RNF207: variants seen among roughly 807,000 people sequenced by gnomAD.
The protein encoded by RNF207 is ring finger protein 207, also known as OTTHUMG00000001089.
In RNF207, 72 loss-of-function variants were observed where a neutral mutation model predicts 79.0. That is an observed-to-expected ratio of 0.91 (90% CI 0.75 to 1.11). The LOEUF is 1.11. Among genes scored for constraint, RNF207 ranks in the 50% least tolerant of loss-of-function variants. RNF207 has a pLI of 0.00. For missense variants in RNF207, 936 were observed against 855.8 expected, an observed-to-expected ratio of 1.09 and a Z score of -1.17; for synonymous variants, 348 against 366.2, an observed-to-expected ratio of 0.95 and a Z score of 0.57.
chr1:6,206,810 GC>G, intron 2 of RNF207, 84 bp downstream of exon 2: 2 of 1,170,332 alleles, frequency 1.7e-6, no homozygotes, highest in Non-Finnish European at 1.2e-6. Context: ...GGACCCAGGT[GC>G]CAGGAGAGTA....
chr1:6,209,480 G>A lies in RNF207; in HGVS notation c.694G>A (p.Val232Met). 2.7e-6 allele frequency: 4 copies of A among 1,492,144 alleles called. No individual in the cohort carries two copies. Among genetic ancestry groups the A allele is most frequent in the Non-Finnish European group, 3.5e-6 (4 of 1,128,728 alleles). The allele number at this position is 1,492,144 out of a possible 1,614,324, so 92.4% of individuals were successfully genotyped here. A position where few individuals can be genotyped will look rare whatever the true frequency, so the allele number is the denominator to read the frequency against. Reference protein sequence around the residue: ...IALLQAMVEEVRHSAAEEEDA... With the variant: ...IALLQAMVEEMRHSAAEEEDA... The stretch of plus-strand genomic sequence containing the variant: ...GCTGCTGCAGGCCATGGTGGAGGAG[G>A]TGCGGCACAGCGCCGCCGAGGAGGA... Residue 232 changes from valine (V) to methionine (M), a missense_variant, in exon 7 of 18, where the codon GTG becomes ATG. By Grantham distance (21) the Val-to-Met change is conservative. Coordinates refer to ENST00000377939, the MANE Select transcript of RNF207 (RefSeq NM_207396.3).
At position 6,209,497 on chromosome 1, in the gene RNF207, C is replaced by T. The variant is rs769463621; in HGVS notation, c.711C>T (p.Ala237=). The change falls in exon 7 of 18, where the codon GCC becomes GCT. Residue 237 remains alanine (A), a synonymous_variant. Coordinates refer to ENST00000377939, the MANE Select transcript of RNF207 (RefSeq NM_207396.3). ...AMVEEVRHSA[A]EEEDAIHALF... The stretch of plus-strand genomic sequence containing the variant: ...TGGAGGAGGTGCGGCACAGCGCCGC[C>T]GAGGAGGAGGACGCTATCCACGCCC... 3.6e-5 allele frequency: 53 copies of T among 1,476,086 alleles called. No individual in the cohort carries two copies. The highest frequency in any genetic ancestry group is 4.5e-5 in the Non-Finnish European group (50 of 1,122,192). 91.4% of individuals were successfully genotyped at this position (1,476,086 alleles called of 1,614,324 possible). A position where few individuals can be genotyped will look rare whatever the true frequency, so the allele number is the denominator to read the frequency against.
rs1668413275 is a variant in RNF207, at chr1:6,217,867, C to T, written c.1653-422C>T. Among the ~76,000 whole-genome samples the T allele has an allele frequency of 6.6e-6, 1 of 152,222 alleles. No homozygotes were observed. The highest frequency in any genetic ancestry group is 2.1e-4 in the South Asian group (1 of 4,836). On this transcript the variant is annotated intron_variant, in intron 16 of 17. Coordinates refer to ENST00000377939, the MANE Select transcript of RNF207 (RefSeq NM_207396.3). The surrounding 1 kb of genome is among the most constrained non-coding windows in gnomAD (Gnocchi z 4.2). ...TCTGCCCCTCATAACACCCTAGTCA[C>T]AATGCCCTTTCAGTTCCCCAAAAAA...
At position 6,221,233 on chromosome 1, in the gene RNF207, G is replaced by T. The variant is rs542404313; in HGVS notation, c.*1826G>T. On this transcript the variant is annotated 3_prime_UTR_variant, in exon 18 of 18. Transcript: ENST00000377939. ...TGCAGTTTTATTTAAGAACTGGAAA[G>T]AATAATCAGTATCTGTGAAAGAAAA... is the stretch of plus-strand genomic sequence containing the variant. The T allele has an allele frequency of 5.2e-5, 8 of 152,628 alleles. No individual in the cohort carries two copies. Among genetic ancestry groups the T allele is most frequent in the Non-Finnish European group, 1.0e-4 (7 of 68,034 alleles). The allele number at this position is 152,628 out of a possible 1,614,324, so 9.5% of individuals were successfully genotyped here.
rs1043994095 is a variant in RNF207 at position 6,211,903 on chromosome 1, G to T, written c.1146G>T (p.Gly382=). ...AGGLGPKALT[G]PHCPSPVGKM... is the part of the protein sequence containing the mutation. ...GCTTAGGCCCCAAGGCGCTGACGGG[G>T]CCCCACTGCCCCTCCCCAGTAGGAA... Residue 382 remains glycine, a synonymous_variant, in exon 13 of 18, where the codon GGG becomes GGT. Coordinates refer to ENST00000377939, the MANE Select transcript of RNF207 (RefSeq NM_207396.3). This position sits in a 1 kb window ranked among gnomAD's most constrained non-coding sequence, Gnocchi z 4.2. 29 of 1,549,920 alleles carry T rather than the reference G, an allele frequency of 1.9e-5. No individual in the cohort carries two copies. The highest frequency in any genetic ancestry group is 2.5e-5 in the Non-Finnish European group (29 of 1,147,074).
rs927293404 is a variant in RNF207 at position 6,219,649 on chromosome 1, C to T, written c.*242C>T. On this transcript the variant is annotated 3_prime_UTR_variant, in exon 18 of 18. Transcript: ENST00000377939. Reference sequence around the variant, plus strand: ...CTGGGATTACAGGCGCCTGACACCACGCCCCGCTAATTTTTTGTATTTTTA... The same window carrying T: ...CTGGGATTACAGGCGCCTGACACCATGCCCCGCTAATTTTTTGTATTTTTA... 14 of 253,610 alleles carry T rather than the reference C, an allele frequency of 5.5e-5. No individual in the cohort carries two copies. In the East Asian group the frequency reaches 7.6e-4, roughly 14 times the overall value. The allele number at this position is 253,610 out of a possible 1,614,324, so 15.7% of individuals were successfully genotyped here.
chr1:6,216,264 C>T (rs1195623430), intron 16 of RNF207, among the ~76,000 whole-genome samples: 1 of 151,776 alleles, frequency 6.6e-6, no homozygotes, highest in Non-Finnish European at 1.5e-5. Flanking sequence ...CTGGGTGCTA[C>T]CCACACAGAC....
chr1:6,215,805 G>A (rs920042827), intron 16 of RNF207, among the ~76,000 whole-genome samples: 6 of 152,232 alleles, frequency 3.9e-5, no homozygotes, highest in African/African-American at 1.4e-4. Context: ...TGGGATTACA[G>A]GTGTGTGCCA....
Position 6,207,486 on chromosome 1 carries a change from A to T in RNF207, c.299A>T (p.Asn100Ile), listed in dbSNP as rs769653291. Reference protein sequence around the residue: ...GDGVEAVRCANCDLECSEQDV... With the variant: ...GDGVEAVRCAICDLECSEQDV... ...GGCGTGGAGGCGGTGCGCTGTGCCA[A>T]CTGTGACCTGGAGTGCAGCGAGCAG... Residue 100 changes from asparagine to isoleucine, a missense_variant, in exon 3 of 18, where the codon AAC (asparagine) becomes ATC (isoleucine). By Grantham distance (149) the Asn-to-Ile change is moderately radical (BLOSUM62 -3). Transcript: ENST00000377939. This position sits in a 1 kb window ranked among gnomAD's most constrained non-coding sequence, Gnocchi z 4.5. The T allele has an allele frequency of 6.2e-7, 1 of 1,604,070 alleles. No homozygotes were observed. The highest frequency in any genetic ancestry group is 1.1e-5 in the South Asian group (1 of 89,638).
chr1:6,207,001 G>A lies in RNF207; in HGVS notation c.191+275G>A, dbSNP rs887776758. Among the ~76,000 whole-genome samples the A allele has an allele frequency of 1.3e-5, 2 of 152,134 alleles. No individual in the cohort carries two copies. Among genetic ancestry groups the A allele is most frequent in the African/African-American group, 4.8e-5 (2 of 41,454 alleles). ...AGGGTAAGGGCGGGGCTCCAGCACT[G>A]GTCAGGACGCTCCCGGTTACTCGCT... On this transcript the variant is annotated intron_variant, in intron 2 of 17. Coordinates refer to ENST00000377939, the MANE Select transcript of RNF207 (RefSeq NM_207396.3). This position sits in a 1 kb window ranked among gnomAD's most constrained non-coding sequence, Gnocchi z 4.5.
chr1:6,219,378 G>A lies in RNF207; in HGVS notation c.1876G>A (p.Val626Ile). The A allele has an allele frequency of 6.2e-7, 1 of 1,610,426 alleles. No individual in the cohort carries two copies. The change falls in exon 18 of 18, where the codon GTC becomes ATC. Residue 626 changes from valine to isoleucine, a missense_variant. Transcript: ENST00000377939. ...HRSKQKNGGD[V>I]PTWREHPT ...ATCCAAACAGAAAAATGGGGGCGATGTCCCCACATGGAGGGAACACCCGAC... is the reference window on the plus strand; with the variant it reads ...ATCCAAACAGAAAAATGGGGGCGATATCCCCACATGGAGGGAACACCCGAC...
Position 6,209,378 on chromosome 1 carries a change from G to C in RNF207, c.627+35G>C, listed in dbSNP as rs1230781206. 3 of 1,525,592 alleles carry C rather than the reference G, an allele frequency of 2.0e-6. No homozygotes were observed. The African/African-American group carries it at 4.2e-5, about 21-fold the overall frequency. 94.5% of individuals were successfully genotyped at this position (1,525,592 alleles called of 1,614,324 possible). On this transcript the variant is annotated intron_variant, in intron 6 of 17. Transcript: ENST00000377939. ...GGGGCCTGGCGCGCGGGGCCGCGCG[G>C]CGGCGATCGCGAGCCTGACCACGCC...
rs1668092276 is a variant in RNF207, at chr1:6,209,990, G to A, written c.800+20G>A. 2 of 1,568,240 alleles carry A rather than the reference G, an allele frequency of 1.3e-6. No homozygotes were observed. Among genetic ancestry groups the A allele is most frequent in the Admixed American group, 1.9e-5 (1 of 53,496 alleles). ...GCAGAGGTGAGTTGGGGGGAGCGGG[G>A]CTTGCTTCCCTTACCCCTTGGCCTC... On this transcript the variant is annotated intron_variant, in intron 8 of 17. Transcript: ENST00000377939.
rs555045919 is a variant in RNF207, at chr1:6,212,130, G to A, written c.1296+77G>A. 9.8e-4 allele frequency: 1,519 copies of A among 1,546,802 alleles called. 7 individuals are homozygous for A. Among genetic ancestry groups the A allele is most frequent in the Non-Finnish European group, 6.7e-4 (760 of 1,139,066 alleles). On this transcript the variant is annotated intron_variant, in intron 13 of 17. Transcript: ENST00000377939. ...ACCAAGGTACGCTCAGGGAAATCGA[G>A]TTCTCCCAGCTGCTGAAGCTGGGAG... is the stretch of plus-strand genomic sequence containing the variant.
Position 6,211,109 on chromosome 1 carries a change from G to A in RNF207, c.1100G>A (p.Gly367Asp), listed in dbSNP as rs375328360. The A allele has an allele frequency of 6.3e-7, 1 of 1,590,100 alleles. No individual in the cohort carries two copies. Among genetic ancestry groups the A allele is most frequent in the Middle Eastern group, 1.7e-4 (1 of 6,016 alleles). Residue 367 changes from glycine (G) to aspartate (D), a missense_variant, in exon 12 of 18, where the codon GGT becomes GAT. Physicochemically the swap from Gly to Asp is moderately conservative, Grantham distance 94 (BLOSUM62 -1). Transcript: ENST00000377939. The surrounding 1 kb of genome is among the most constrained non-coding windows in gnomAD (Gnocchi z 4.2). ...GPRRVAAAASGANTLAGGLGP... is the reference protein window; with the variant it reads ...GPRRVAAAASDANTLAGGLGP... ...CGTCGGGTGGCAGCTGCTGCAAGTGGTGCTAACACGTGAGCAGCAACCGGG... is the reference window on the plus strand; with the variant it reads ...CGTCGGGTGGCAGCTGCTGCAAGTGATGCTAACACGTGAGCAGCAACCGGG...
chr1:6,209,371 C>T (rs762610162), intron 6 of RNF207, 28 bp downstream of exon 6: 34 of 1,527,860 alleles, frequency 2.2e-5, no homozygotes, highest in Non-Finnish European at 2.5e-5. Context: ...GCGCGCGGGG[C>T]CGCGCGGCGG....
chr1:6,218,484 T>G (rs1326616527), intron 17 of RNF207, 115 bp downstream of exon 17: 3 of 713,060 alleles, frequency 4.2e-6, no homozygotes, highest in Non-Finnish European at 7.1e-6. Context: ...GGGCCCTGGC[T>G]GGGCCTCTTT....
rs1173632311 is a variant in RNF207, at chr1:6,207,700, G to C, written c.324+189G>C. The stretch of plus-strand genomic sequence containing the variant: ...GTGGGGAGACTGAGGTCCAGAACAA[G>C]GGACTTGAGCCAGTGTCCAGACAGT... On this transcript the variant is annotated intron_variant, in intron 3 of 17. Transcript: ENST00000377939. This position sits in a 1 kb window ranked among gnomAD's most constrained non-coding sequence, Gnocchi z 4.5. 2.7e-6 allele frequency: 2 copies of C among 738,144 alleles called. No homozygotes were observed. The highest frequency in any genetic ancestry group is 1.5e-5 in the South Asian group (1 of 67,406). 45.7% of individuals were successfully genotyped at this position (738,144 alleles called of 1,614,324 possible).
In RNF207 at chr1:6,207,150, T is replaced by C. The variant is rs2100920056; in HGVS notation, c.192-229T>C. 6.6e-6 allele frequency among the ~76,000 whole-genome samples: 1 copy of C among 152,310 alleles called. No homozygotes were observed. The highest frequency in any genetic ancestry group is 1.5e-5 in the Non-Finnish European group (1 of 68,018). On this transcript the variant is annotated intron_variant, in intron 2 of 17. Transcript: ENST00000377939. The surrounding 1 kb of genome is among the most constrained non-coding windows in gnomAD (Gnocchi z 4.5). ...GATGTCGAGGAGCAGCTTCTGCTTT[T>C]GATACTAGGGGACCAACCCCACTGT...
Sources: gnomAD v4.1 joint callset for allele counts (sites outside exome capture counted in the v4.1 genomes callset) on GRCh38, gnomAD v4.1.1 for gene constraint, Gnocchi (gnomAD v3.1) non-coding constraint, MANE v1.5 for transcripts, NCBI Gene and HGNC (gene_info 2026-07-23, HGNC 2026-07-21) for gene names.